Variants in PLEKHA8 observed in about 807,000 individuals in gnomAD.
The protein encoded by PLEKHA8 is pleckstrin homology domain containing A8.
In PLEKHA8, 36 loss-of-function variants were observed where a neutral mutation model predicts 68.2. The ratio of observed to expected loss-of-function variants is 0.53; its 90% CI spans 0.40 to 0.70. The LOEUF (loss-of-function observed/expected upper bound fraction) is 0.70. Among genes scored for constraint, PLEKHA8 ranks in the 30% least tolerant of loss-of-function variants. The probability of loss-of-function intolerance (pLI) is 0.00; values close to 1 mark genes in which losing one functional copy is unlikely to be tolerated. For missense variants in PLEKHA8, 505 were observed against 615.4 expected, an observed-to-expected ratio of 0.82 and a Z score of 1.90; for synonymous variants, 211 against 216.1, an observed-to-expected ratio of 0.98 and a Z score of 0.20.
At chr7:30,115,407 C>T (rs574272007) in intron 13 of PLEKHA8, among the ~76,000 whole-genome samples, 8 of 151,870 alleles carry the variant, frequency 5.3e-5, no homozygotes, top group Non-Finnish European at 8.8e-5. Context: ...ATGTTTTCTC[C>T]TTTTTGTATT....
intron 6 of PLEKHA8, 49 bp from the exon 7 acceptor site, chr7:30,052,660 A>G: frequency 7.2e-7 from 1 of 1,384,374 alleles, no homozygotes; most frequent in Admixed American, 3.1e-5. Context: ...AAAAAAAAAA[A>G]GACCAAATAA....
rs1267003238 is a variant in PLEKHA8, at chr7:30,054,860, CACAAGGTATTCTAG to C, written c.951_953+11del. ...TCCCAACTTTCTTTAGTACCATGAA[CACAAGGTATTCTAG>C]ACTCTTTAATATCACTGATGCTTGG... On this transcript the variant is annotated splice_donor_variant and splice_donor_5th_base_variant and coding_sequence_variant and intron_variant, in exon 8 of 14. Transcript: ENST00000449726. LOFTEE classifies it high-confidence loss of function. 1 of 1,602,678 alleles carries C rather than the reference CACAAGGTATTCTAG, an allele frequency of 6.2e-7. No individual in the cohort carries two copies. The highest frequency in any genetic ancestry group is 2.2e-5 in the East Asian group (1 of 44,534).
chr7:30,111,737 A>G (rs1046049526), intron 13 of PLEKHA8, among the ~76,000 whole-genome samples: 2 of 152,052 alleles, frequency 1.3e-5, no homozygotes, highest in Non-Finnish European at 2.9e-5. Flanking sequence ...CTCCCACCTC[A>G]GCCTACCAAG....
chr7:30,029,681 A>G (rs911152506), intron 1 of PLEKHA8, among the ~76,000 whole-genome samples: 2 of 152,238 alleles, frequency 1.3e-5, no homozygotes, highest in African/African-American at 4.8e-5. Flanking sequence ...GGTCTTTAAA[A>G]TTTTAAAGGC....
At chr7:30,060,786 G>A in intron 9 of PLEKHA8, 98 bp from the exon 10 acceptor site, 2 of 939,122 alleles carry the variant, frequency 2.1e-6, no homozygotes, top group Non-Finnish European at 3.3e-6. Flanking sequence ...AAAAATTAAA[G>A]TTGTTGGGGA....
At chr7:30,113,901 CTTTT>C (rs748202008) in intron 13 of PLEKHA8, among the ~76,000 whole-genome samples, 22 of 139,798 alleles carry the variant, frequency 1.6e-4, no homozygotes, top group African/African-American at 4.0e-4. Flanking sequence ...CAAAATATTA[CTTTT>C]TTTTTTTTTT....
chr7:30,080,589 T>G lies in PLEKHA8; in HGVS notation c.*1802T>G, dbSNP rs553989431. On this transcript the variant is annotated 3_prime_UTR_variant, in exon 14 of 14. Coordinates refer to ENST00000449726, the MANE Select transcript of PLEKHA8 (RefSeq NM_001197026.2). ...ATTTATTTAGCTCAGATTAATTAGG[T>G]ATTTTGCCCACATAAAGACTTCTGG... 1 of 985,386 alleles carries G rather than the reference T, an allele frequency of 1.0e-6. No individual in the cohort carries two copies. The highest frequency in any genetic ancestry group is 4.7e-5 in the South Asian group (1 of 21,284). The allele number at this position is 985,386 out of a possible 1,614,324, so 61.0% of individuals were successfully genotyped here.
At chr7:30,093,336 A>G (rs147263215), downstream of PLEKHA8, among the ~76,000 whole-genome samples, 2 of 152,334 alleles carry the variant, frequency 1.3e-5, no homozygotes, top group African/African-American at 4.8e-5. Context: ...AGTGGACACT[A>G]TTATTAACCC....
At chr7:30,096,560 C>G (rs200836082) in intron 13 of PLEKHA8, among the ~76,000 whole-genome samples, 1 of 152,122 alleles carries the variant, frequency 6.6e-6, no homozygotes, top group Non-Finnish European at 1.5e-5. Flanking sequence ...TCCAACACTA[C>G]GTTGAATAGG....
intron 13 of PLEKHA8, among the ~76,000 whole-genome samples, chr7:30,121,940 T>A (rs1158496255): frequency 6.6e-6 from 1 of 152,312 alleles, no homozygotes; most frequent in East Asian, 1.9e-4. Flanking sequence ...CCAACTATCT[T>A]GGTATGATTG....
chr7:30,107,168 G>A (rs1796090469), intron 13 of PLEKHA8, among the ~76,000 whole-genome samples: 1 of 152,038 alleles, frequency 6.6e-6, no homozygotes, highest in Non-Finnish European at 1.5e-5. Context: ...AATGAATATA[G>A]TTTATCTTTC....
Position 30,032,165 on chromosome 7 carries a change from T to C in PLEKHA8, c.40+3363T>C, listed in dbSNP as rs139515453. ...TACTTCTAAAGAAGCACTGTGTTTG[T>C]TATTTGTGTCTTTCAAGACCTAAAA... On this transcript the variant is annotated intron_variant, in intron 1 of 13. Coordinates refer to ENST00000449726, the MANE Select transcript of PLEKHA8 (RefSeq NM_001197026.2). Among the ~76,000 whole-genome samples, 209 of 152,338 alleles carry C rather than the reference T, an allele frequency of 1.4e-3. 4 individuals carry two copies. The East Asian group carries it at 0.035, about 26-fold the overall frequency.
intron 13 of PLEKHA8, among the ~76,000 whole-genome samples, chr7:30,077,470 G>A (rs1032940727): frequency 2.6e-5 from 4 of 152,080 alleles, no homozygotes; most frequent in African/African-American, 9.7e-5. Context: ...GCCAGGCAGT[G>A]GGCTAAACAC....
chr7:30,051,394 T>C (rs189592400), intron 6 of PLEKHA8, among the ~76,000 whole-genome samples: 62 of 148,408 alleles, frequency 4.2e-4, no homozygotes, highest in Non-Finnish European at 7.1e-4. Flanking sequence ...GGTTGAAATA[T>C]GGTTTTTTTT....
intron 13 of PLEKHA8, among the ~76,000 whole-genome samples, chr7:30,102,928 G>T (rs1344222595): frequency 6.6e-6 from 1 of 152,244 alleles, no homozygotes; most frequent in Non-Finnish European, 1.5e-5. Flanking sequence ...AAGTTAGCTG[G>T]ATGTGGCGGC....
chr7:30,115,847 T>TACATGCGTATACATAC lies in PLEKHA8; in HGVS notation c.1363-13418_1363-13417insCATGCGTATACATACA, dbSNP rs1193086100. On this transcript the variant is annotated intron_variant, in intron 13 of 13. Transcript: ENST00000396257. ...ATGCGTGCACATACATGTATACACG[T>TACATGCGTATACATAC]ATGCATACATACGTGCACATACATG... 4.8e-5 allele frequency: 7 copies of TACATGCGTATACATAC among 146,136 alleles called. 1 individual carries two copies. Among genetic ancestry groups the TACATGCGTATACATAC allele is most frequent in the African/African-American group, 1.8e-4 (7 of 38,464 alleles). 9.1% of individuals were successfully genotyped at this position (146,136 alleles called of 1,614,324 possible).
At chr7:30,042,856 G>A (rs1791645028) in intron 1 of PLEKHA8, among the ~76,000 whole-genome samples, 1 of 152,170 alleles carries the variant, frequency 6.6e-6, no homozygotes, top group African/African-American at 2.4e-5. Flanking sequence ...CACCAATAAT[G>A]TCTGACTCCT....
intron 6 of PLEKHA8, chr7:30,050,684 G>A (rs1238200968): frequency 9.9e-6 from 5 of 507,552 alleles, no homozygotes; most frequent in African/African-American, 7.9e-5. Context: ...GAAGATGTTG[G>A]CATTTTCCCT....
In PLEKHA8 at chr7:30,083,086, A is replaced by T; in HGVS notation, c.*4299A>T. On this transcript the variant is annotated 3_prime_UTR_variant, in exon 14 of 14. Transcript: ENST00000449726. The stretch of plus-strand genomic sequence containing the variant: ...TTTAAAATTTTTAGATGTAGAGTTT[A>T]TAAGTAAAATATATTTTTAGCCATT... 1 of 983,572 alleles carries T rather than the reference A, an allele frequency of 1.0e-6. No individual in the cohort carries two copies. Among genetic ancestry groups the T allele is most frequent in the African/African-American group, 1.7e-5 (1 of 57,318 alleles). The allele number at this position is 983,572 out of a possible 1,614,324, so 60.9% of individuals were successfully genotyped here.
Sources: gnomAD v4.1 joint callset for allele counts (sites outside exome capture counted in the v4.1 genomes callset) on GRCh38, gnomAD v4.1.1 for gene constraint, MANE v1.5 for transcripts, NCBI Gene and HGNC (gene_info 2026-07-23, HGNC 2026-07-21) for gene names.